The following WDR90 variants were observed in gnomAD, a reference collection of about 807,000 sequenced individuals.
The protein encoded by WDR90 is WD repeat domain 90.
A neutral mutation model predicts 195.2 loss-of-function variants in WDR90; 238 were observed. The observed-to-expected ratio is 1.22, with a 90% CI of 1.10 to 1.36. The LOEUF is 1.36. WDR90 is among the 40% of genes most tolerant of loss of function. WDR90 has a pLI of 0.00. For missense variants in WDR90, 2,734 were observed against 2,439.5 expected (o/e 1.12, Z -2.54); for synonymous variants, 1,265 against 1,052.4 (o/e 1.20, Z -3.91).
At position 667,730 on chromosome 16, in the gene WDR90, T is replaced by C; in HGVS notation, c.*141T>C. 1 of 1,342,778 alleles carries C rather than the reference T, an allele frequency of 7.4e-7. No homozygotes were observed. Among genetic ancestry groups the C allele is most frequent in the Non-Finnish European group, 1.0e-6 (1 of 971,764 alleles). 83.2% of individuals were successfully genotyped at this position (1,342,778 alleles called of 1,614,324 possible). On this transcript the variant is annotated 3_prime_UTR_variant, in exon 41 of 41. Transcript: ENST00000293879. ...CACGTAAATCGCCTGGAGCAAGCTG[T>C]TGTAAATTTGGCGCCCTGTGAATAC...
At chr16:658,368 C>T in intron 22 of WDR90, 24 bp downstream of exon 22, 1 of 1,608,900 alleles carries the variant, frequency 6.2e-7, no homozygotes. Flanking sequence ...CTGTGGCCCG[C>T]CGACCTGGCC....
chr16:652,379 G>A, intron 9 of WDR90, 88 bp from the exon 10 acceptor site: 1 of 1,463,400 alleles, frequency 6.8e-7, no homozygotes, highest in Non-Finnish European at 9.3e-7. Context: ...GCAGGACCCA[G>A]CTAGGGGTTG....
upstream of WDR90, chr16:649,233 C>G (rs191668764): frequency 3.2e-6 from 2 of 624,018 alleles, no homozygotes; most frequent in African/African-American, 1.9e-5. Flanking sequence ...CTGGAGCAAC[C>G]CTGGAGGCCG....
intron 10 of WDR90, 56 bp from the exon 11 acceptor site, chr16:653,285 A>C: frequency 7.2e-7 from 1 of 1,396,228 alleles, no homozygotes; most frequent in Non-Finnish European, 9.5e-7. Context: ...ACCTCCCGGC[A>C]GCCAGGAGGG....
At position 657,797 on chromosome 16, in the gene WDR90, A is replaced by AT. The variant is rs2037793349; in HGVS notation, c.2509_2510insT (p.Ser837MetfsTer31). The AT allele has an allele frequency of 1.3e-6, 2 of 1,554,854 alleles. No homozygotes were observed. The highest frequency in any genetic ancestry group is 4.8e-5 in the East Asian group (2 of 41,480). On this transcript the variant is annotated frameshift_variant, in exon 21 of 41. Coordinates refer to ENST00000293879, the MANE Select transcript of WDR90 (RefSeq NM_145294.5). LOFTEE classifies it high-confidence loss of function. ...ATGCCCGGATGCCCCCGCGAGCCCC[A>AT]GCGCCCTGGCAGTCAGCAGGGATGG...
rs2037729984 is a variant in WDR90, at chr16:655,387, G to A, written c.1637G>A (p.Gly546Glu). 3 of 1,599,066 alleles carry A rather than the reference G, an allele frequency of 1.9e-6. No individual in the cohort carries two copies. In the South Asian group the frequency reaches 3.3e-5, roughly 18 times the overall value. ...CTGCGTTCCTGCCCCGTGGACTTAGGGGAGCACCACGCGCTGCAGTTCACC... is the reference window on the plus strand; with the variant it reads ...CTGCGTTCCTGCCCCGTGGACTTAGAGGAGCACCACGCGCTGCAGTTCACC... The part of the protein sequence containing the change: ...GVLRSCPVDL[G>E]EHHALQFTDL... The change falls in exon 15 of 41, where the codon GGG becomes GAG. Residue 546 changes from glycine (G) to glutamate (E), a missense_variant. Coordinates refer to ENST00000293879, the MANE Select transcript of WDR90 (RefSeq NM_145294.5).
Position 662,773 on chromosome 16 carries a change from G to T in WDR90, c.4240G>T (p.Ala1414Ser). 1 of 1,608,104 alleles carries T rather than the reference G, an allele frequency of 6.2e-7. No homozygotes were observed. ...SVDMGVVGTTAGTLWFVSWAE... is the reference protein window; with the variant it reads ...SVDMGVVGTTSGTLWFVSWAE... ...GGACATGGGCGTCGTGGGCACCACG[G>T]CGGGCACGCTGTGGTTTGTCAGCTG... The change falls in exon 34 of 41, where the codon GCG (alanine) becomes TCG (serine). Residue 1414 changes from alanine to serine, a missense_variant. Transcript: ENST00000293879.
chr16:655,108 A>G lies in WDR90; in HGVS notation c.1517A>G (p.Asp506Gly). The G allele has an allele frequency of 6.2e-7, 1 of 1,612,760 alleles. No individual in the cohort carries two copies. Among genetic ancestry groups the G allele is most frequent in the Non-Finnish European group, 8.5e-7 (1 of 1,179,852 alleles). Residue 506 changes from aspartate (D) to glycine (G), a missense_variant, in exon 14 of 41, where the codon GAC (aspartate) becomes GGC (glycine). Transcript: ENST00000293879. ...VVLAKAHTDF[D>G]VQAFRVTFFD... Reference sequence around the variant, plus strand: ...CTGGCAAAGGCGCACACTGACTTTGACGTCCAGGCCTTCCGGGTCACCTTT... The same window carrying G: ...CTGGCAAAGGCGCACACTGACTTTGGCGTCCAGGCCTTCCGGGTCACCTTT...
intron 34 of WDR90, chr16:663,203 C>T (rs190493824): frequency 1.0e-4 from 38 of 378,348 alleles, no homozygotes; most frequent in Admixed American, 2.5e-4. Context: ...TCTGGGAGGC[C>T]AAGGCAGGTG....
intron 17 of WDR90, 190 bp downstream of exon 17, chr16:656,079 C>T (rs759288978): frequency 2.5e-4 from 196 of 782,998 alleles, no homozygotes; most frequent in Middle Eastern, 7.5e-4. Context: ...GGCAGCCTCA[C>T]GGAAGGGCCC....
rs999795808 is a variant in WDR90, at chr16:653,746, C to A, written c.1380C>A (p.Ser460Arg). The change falls in exon 13 of 41, where the codon AGC (serine) becomes AGA (arginine). Residue 460 changes from serine to arginine, a missense_variant and splice_region_variant. Physicochemically the swap from Ser to Arg is moderately radical, Grantham distance 110. Coordinates refer to ENST00000293879, the MANE Select transcript of WDR90 (RefSeq NM_145294.5). ...ATGACCACCTCCTCCCTGTTCACAG[C>A]TTCTCTGACAGCGGGGCCCTTCTCT... Reference protein sequence around the residue: ...RSPMHVVCSLSFSDSGALLCG... With the variant: ...RSPMHVVCSLRFSDSGALLCG... The A allele has an allele frequency of 6.2e-7, 1 of 1,613,200 alleles. No individual in the cohort carries two copies. Among genetic ancestry groups the A allele is most frequent in the Non-Finnish European group, 8.5e-7 (1 of 1,180,016 alleles).
Position 650,693 on chromosome 16 carries a change from C to T in WDR90, c.543C>T (p.Asp181=), listed in dbSNP as rs760067723. The T allele has an allele frequency of 1.2e-6, 2 of 1,609,510 alleles. No homozygotes were observed. Among genetic ancestry groups the T allele is most frequent in the African/African-American group, 2.7e-5 (2 of 74,878 alleles). ...SLLVRNLYTS[D]LCFEPAISGA... ...TGGTCAGGAACCTGTACACCAGTGA[C>T]CTGTGCTTTGAGCCTGGTGAGGGCC... is the stretch of plus-strand genomic sequence containing the variant. The change falls in exon 5 of 41, where the codon GAC becomes GAT. Residue 181 remains aspartate (D), a synonymous_variant. Transcript: ENST00000293879.
Position 661,953 on chromosome 16 carries a change from G to T in WDR90, c.3927G>T (p.Gly1309=). 6.2e-7 allele frequency: 1 copy of T among 1,607,896 alleles called. No homozygotes were observed. Among genetic ancestry groups the T allele is most frequent in the Non-Finnish European group, 8.5e-7 (1 of 1,179,910 alleles). ...GAGAGCTGACCTCGCTCTGCTACGG[G>T]GCACCTCCCCTGCTCTATTGTGGCA... is the stretch of plus-strand genomic sequence containing the variant. ...GAGELTSLCY[G]APPLLYCGTS... The change falls in exon 32 of 41, where the codon GGG becomes GGT. Residue 1309 remains glycine, a synonymous_variant. Transcript: ENST00000293879.
Position 663,146 on chromosome 16 carries a change from A to G in WDR90, c.4311+302A>G, listed in dbSNP as rs972283897. ...TTTTGTTTTTTGTAATTGTCAAAGAAATCACATCAGTCCGGGCGTGGTGGT... is the reference window on the plus strand; with the variant it reads ...TTTTGTTTTTTGTAATTGTCAAAGAGATCACATCAGTCCGGGCGTGGTGGT... On this transcript the variant is annotated intron_variant, in intron 34 of 40. Coordinates refer to ENST00000293879, the MANE Select transcript of WDR90 (RefSeq NM_145294.5). 5 of 493,678 alleles carry G rather than the reference A, an allele frequency of 1.0e-5. No homozygotes were observed. In the Admixed American group the frequency reaches 1.3e-4, roughly 12 times the overall value. The allele number at this position is 493,678 out of a possible 1,614,324, so 30.6% of individuals were successfully genotyped here.
chr16:657,024 G>A (rs1310462476), intron 19 of WDR90, 67 bp from the exon 20 acceptor site: 3 of 1,574,766 alleles, frequency 1.9e-6, no homozygotes, highest in East Asian at 2.4e-5. Flanking sequence ...GTTGGCTGGA[G>A]GTCGAGGGAA....
chr16:660,535 C>A, intron 27 of WDR90, 77 bp from the exon 28 acceptor site: 1 of 1,439,678 alleles, frequency 6.9e-7, no homozygotes, highest in African/African-American at 1.4e-5. Context: ...TGCCCCAACA[C>A]AGCCTCCCAT....
At position 658,889 on chromosome 16, in the gene WDR90, C is replaced by T. The variant is rs1219664826; in HGVS notation, c.2896-7C>T. ...CGGGGTCCTGCATGTGACGCCGCTA[C>T]CCCTAGGTGTACATCGGCCACTCGG... On this transcript the variant is annotated splice_polypyrimidine_tract_variant and splice_region_variant and intron_variant, in intron 23 of 40. Transcript: ENST00000293879. The T allele has an allele frequency of 5.6e-6, 9 of 1,611,300 alleles. No homozygotes were observed. Among genetic ancestry groups the T allele is most frequent in the Non-Finnish European group, 6.8e-6 (8 of 1,179,904 alleles).
In WDR90 at chr16:658,989, G is replaced by T; in HGVS notation, c.2989G>T (p.Asp997Tyr). 2 of 1,613,010 alleles carry T rather than the reference G, an allele frequency of 1.2e-6. No individual in the cohort carries two copies. The highest frequency in any genetic ancestry group is 1.7e-6 in the Non-Finnish European group (2 of 1,179,954). ...CGCAGGGGACGCCGTCTTCCTCTGG[G>T]ATGTCCTGGCCCCTACTGAGAGGCA... ...LSAGDAVFLW[D>Y]VLAPTESDQS... The change falls in exon 24 of 41, where the codon GAT becomes TAT. Residue 997 changes from aspartate (D) to tyrosine (Y), a missense_variant. Transcript: ENST00000293879.
Position 653,461 on chromosome 16 carries a change from G to T in WDR90, c.1233+10G>T, listed in dbSNP as rs377304506. The T allele has an allele frequency of 6.2e-6, 10 of 1,612,414 alleles. No individual in the cohort carries two copies. Among genetic ancestry groups the T allele is most frequent in the African/African-American group, 2.7e-5 (2 of 75,022 alleles). On this transcript the variant is annotated intron_variant, in intron 11 of 40. Transcript: ENST00000293879. ...TGGCCACACAGACAAGGTGGGTGCT[G>T]CCCGGGCCTGGGGCAGCTCACACCT...
Sources: allele counts gnomAD v4.1 joint callset, GRCh38; gene constraint gnomAD v4.1.1; transcripts MANE v1.5; gene names NCBI Gene and HGNC (gene_info 2026-07-23, HGNC 2026-07-21).